Variants in TUBA1B observed in about 807,000 individuals in gnomAD.
TUBA1B encodes tubulin alpha-1B chain.
TUBA1B carries 1 observed loss-of-function variant against 34.4 expected under a neutral mutation model. The ratio of observed to expected loss-of-function variants is 0.03; its 90% CI spans 0.01 to 0.14. The LOEUF (loss-of-function observed/expected upper bound fraction) is 0.14. Ranked by LOEUF, TUBA1B falls within the 10% of genes least tolerant of loss-of-function variation. The pLI is 1.00. For synonymous variants in TUBA1B, 197 were observed against 212.5 expected (o/e 0.93, Z 0.64); for missense variants, 54 against 583.6 (o/e 0.09, Z 9.35).
rs924139083 is a variant in TUBA1B at position 49,131,321 on chromosome 12, C to A, written c.-21G>T. On this transcript the variant is annotated 5_prime_UTR_variant, in exon 1 of 4. Transcript: ENST00000336023. ...ACCATAGTGGCTAGGGATTAGGAGG[C>A]GAAGGCGACAGGAGCAGACACCGGG... 2 of 1,610,418 alleles carry A rather than the reference C, an allele frequency of 1.2e-6. No homozygotes were observed. Among genetic ancestry groups the A allele is most frequent in the Non-Finnish European group, 1.7e-6 (2 of 1,178,456 alleles).
chr12:49,130,511 G>T, intron 1 of TUBA1B: 1 of 407,554 alleles, frequency 2.5e-6, no homozygotes, highest in Non-Finnish European at 4.5e-6. Context: ...CAGTCTGAGC[G>T]CAGTAGGAGA....
chr12:49,129,711 G>A lies in TUBA1B; in HGVS notation c.15C>T (p.Ile5=), dbSNP rs763010227. Residue 5 remains isoleucine, a synonymous_variant, in exon 2 of 4, where the codon ATC becomes ATT. Transcript: ENST00000336023. MREC[I]SIHVGQAGVQ... is the part of the protein sequence containing the mutation. ...CACCAGCCTGGCCAACGTGGATGGA[G>A]ATGCACTCACGCTGCGGGAAGGAAA... 1 of 1,613,050 alleles carries A rather than the reference G, an allele frequency of 6.2e-7. No individual in the cohort carries two copies. Among genetic ancestry groups the A allele is most frequent in the Non-Finnish European group, 8.5e-7 (1 of 1,179,746 alleles).
chr12:49,131,215 G>A lies in TUBA1B; in HGVS notation c.3+83C>T, dbSNP rs901670070. 4.6e-6 allele frequency: 7 copies of A among 1,527,962 alleles called. No individual in the cohort carries two copies. The African/African-American group carries it at 8.2e-5, about 18-fold the overall frequency. The allele number at this position is 1,527,962 out of a possible 1,614,324, so 94.7% of individuals were successfully genotyped here. A position where few individuals can be genotyped will look rare whatever the true frequency, so the allele number is the denominator to read the frequency against. On this transcript the variant is annotated intron_variant, in intron 1 of 3. Coordinates refer to ENST00000336023, the MANE Select transcript of TUBA1B (RefSeq NM_006082.3). ...ACGGCTCTGAGGCCAGCCCTTCCCG[G>A]CTGTATACAGGGCCCCAGCGCCCCG...
rs1443994647 is a variant in TUBA1B, at chr12:49,128,968, T to G, written c.376-30A>C. The G allele has an allele frequency of 1.3e-6, 2 of 1,569,974 alleles. No individual in the cohort carries two copies. Among genetic ancestry groups the G allele is most frequent in the Middle Eastern group, 1.7e-4 (1 of 5,808 alleles). On this transcript the variant is annotated intron_variant, in intron 3 of 3. Coordinates refer to ENST00000336023, the MANE Select transcript of TUBA1B (RefSeq NM_006082.3). This position sits in a 1 kb window ranked among gnomAD's most constrained non-coding sequence, Gnocchi z 8.1. The stretch of plus-strand genomic sequence containing the variant: ...AGGGGAATAAAAAAATGTAATATTT[T>G]AATGCCAGGACACATTATCTTAGAA...
chr12:49,127,867 A>T lies in TUBA1B; in HGVS notation c.*91T>A. 6.3e-7 allele frequency: 1 copy of T among 1,584,888 alleles called. No homozygotes were observed. The highest frequency in any genetic ancestry group is 8.6e-7 in the Non-Finnish European group (1 of 1,160,680). ...AAAGACATGATCACCAAGTGAAAAC[A>T]ATCTAACCAGAAAGCTTTAACGTCT... is the stretch of plus-strand genomic sequence containing the variant. On this transcript the variant is annotated 3_prime_UTR_variant, in exon 4 of 4. Coordinates refer to ENST00000336023, the MANE Select transcript of TUBA1B (RefSeq NM_006082.3).
rs141499311 is a variant in TUBA1B, at chr12:49,128,066, G to T, written c.1248C>A (p.Gly416=). 7.4e-6 allele frequency: 12 copies of T among 1,614,068 alleles called. No individual in the cohort carries two copies. Among genetic ancestry groups the T allele is most frequent in the Non-Finnish European group, 1.0e-5 (12 of 1,180,022 alleles). Residue 416 remains glycine (G), a synonymous_variant, in exon 4 of 4, where the codon GGC becomes GGA. Transcript: ENST00000336023. This position sits in a 1 kb window ranked among gnomAD's most constrained non-coding sequence, Gnocchi z 8.1. ...TATCTTCACGGGCCTCTGAAAACTC[G>T]CCTTCCTCCATCCCCTCACCCACGT... ...HWYVGEGMEE[G]EFSEAREDMA... is the part of the protein sequence containing the mutation.
At chr12:49,130,639 G>C (rs1333552889) in intron 1 of TUBA1B, 2 of 340,542 alleles carry the variant, frequency 5.9e-6, no homozygotes, top group Non-Finnish European at 1.2e-5. Context: ...GGCCTCTACA[G>C]ACTGTTGTGT....
chr12:49,131,182 C>T, intron 1 of TUBA1B, 116 bp downstream of exon 1: 1 of 1,375,110 alleles, frequency 7.3e-7, no homozygotes, highest in Admixed American at 2.1e-5. Flanking sequence ...TTTCCGCCCT[C>T]CAAACGGACG....
Position 49,127,894 on chromosome 12 carries a change from T to C in TUBA1B, c.*64A>G. On this transcript the variant is annotated 3_prime_UTR_variant, in exon 4 of 4. Transcript: ENST00000336023. ...TCTAACCAGAAAGCTTTAACGTCTGTCAGTTAAGCTGAAGCTGAAATTCTG... is the reference window on the plus strand; with the variant it reads ...TCTAACCAGAAAGCTTTAACGTCTGCCAGTTAAGCTGAAGCTGAAATTCTG... 2 of 1,611,062 alleles carry C rather than the reference T, an allele frequency of 1.2e-6. No individual in the cohort carries two copies. Among genetic ancestry groups the C allele is most frequent in the East Asian group, 4.5e-5 (2 of 44,874 alleles).
At position 49,131,365 on chromosome 12, in the gene TUBA1B, A is replaced by C. The variant is rs1434704063; in HGVS notation, c.-65T>G. The C allele has an allele frequency of 1.3e-6, 2 of 1,592,186 alleles. No homozygotes were observed. Among genetic ancestry groups the C allele is most frequent in the African/African-American group, 1.3e-5 (1 of 74,684 alleles). On this transcript the variant is annotated 5_prime_UTR_variant, in exon 1 of 4. Coordinates refer to ENST00000336023, the MANE Select transcript of TUBA1B (RefSeq NM_006082.3). Reference sequence around the variant, plus strand: ...CACCGGGTCCCGGTTACCGTCCCCGACAAGCTAAGAGTCGAGGTAAGTAAC... The same window carrying C: ...CACCGGGTCCCGGTTACCGTCCCCGCCAAGCTAAGAGTCGAGGTAAGTAAC...
Position 49,129,359 on chromosome 12 carries a change from G to A in TUBA1B, c.258C>T (p.Leu86=). The A allele has an allele frequency of 6.2e-7, 1 of 1,614,212 alleles. No individual in the cohort carries two copies. The highest frequency in any genetic ancestry group is 1.3e-5 in the African/African-American group (1 of 75,062). The change falls in exon 3 of 4, where the codon CTC becomes CTT. Residue 86 remains leucine, a synonymous_variant. Coordinates refer to ENST00000336023, the MANE Select transcript of TUBA1B (RefSeq NM_006082.3). ...DEVRTGTYRQ[L]FHPEQLITGK... ...CTGTGATGAGCTGCTCAGGGTGGAA[G>A]AGCTGGCGGTAGGTGCCAGTGCGAA... is the stretch of plus-strand genomic sequence containing the variant.
At chr12:49,130,119 C>G in intron 1 of TUBA1B, 4 of 1,199,350 alleles carry the variant, frequency 3.3e-6, no homozygotes, top group South Asian at 3.0e-5. Flanking sequence ...TGAATGTTAC[C>G]TTCCCATCCT....
Position 49,127,869 on chromosome 12 carries a change from T to A in TUBA1B, c.*89A>T. Reference sequence around the variant, plus strand: ...AGACATGATCACCAAGTGAAAACAATCTAACCAGAAAGCTTTAACGTCTGT... The same window carrying A: ...AGACATGATCACCAAGTGAAAACAAACTAACCAGAAAGCTTTAACGTCTGT... On this transcript the variant is annotated 3_prime_UTR_variant, in exon 4 of 4. Transcript: ENST00000336023. 2 of 1,587,526 alleles carry A rather than the reference T, an allele frequency of 1.3e-6. No individual in the cohort carries two copies. The highest frequency in any genetic ancestry group is 3.4e-5 in the Admixed American group (2 of 58,262).
At chr12:49,129,916 G>C in intron 1 of TUBA1B, 194 bp from the exon 2 acceptor site, 1 of 1,129,286 alleles carries the variant, frequency 8.9e-7, no homozygotes. Context: ...GAGCAGCTGG[G>C]ACCACAGGCA....
intron 1 of TUBA1B, chr12:49,131,040 G>A (rs2121169309): frequency 2.1e-6 from 1 of 472,370 alleles, no homozygotes; most frequent in Non-Finnish European, 3.9e-6. Context: ...TCCGGATACG[G>A]CGGAGGGCAG....
In TUBA1B at chr12:49,131,381, G is replaced by T. The variant is rs1482199389; in HGVS notation, c.-81C>A. The T allele has an allele frequency of 1.9e-6, 3 of 1,550,102 alleles. No individual in the cohort carries two copies. The highest frequency in any genetic ancestry group is 1.8e-6 in the Non-Finnish European group (2 of 1,133,162). On this transcript the variant is annotated 5_prime_UTR_variant, in exon 1 of 4. Coordinates refer to ENST00000336023, the MANE Select transcript of TUBA1B (RefSeq NM_006082.3). ...CCGTCCCCGACAAGCTAAGAGTCGAGGTAAGTAACGCACTAGGGCGGGGCC... is the reference window on the plus strand; with the variant it reads ...CCGTCCCCGACAAGCTAAGAGTCGATGTAAGTAACGCACTAGGGCGGGGCC...
intron 1 of TUBA1B, chr12:49,131,003 G>A (rs1941800062): frequency 2.6e-6 from 1 of 390,350 alleles, no homozygotes; most frequent in Non-Finnish European, 4.9e-6. Context: ...ACCGCACCCA[G>A]GACACAGTTA....
chr12:49,130,828 G>C (rs12317382), intron 1 of TUBA1B: 4,915 of 166,666 alleles, frequency 0.029, 252 homozygotes, highest in African/African-American at 0.11. Flanking sequence ...TCCCGCCCAG[G>C]AGCGGCGGGA....
chr12:49,129,918 C>T (rs1941782055), intron 1 of TUBA1B, 196 bp from the exon 2 acceptor site: 1 of 1,116,696 alleles, frequency 9.0e-7, no homozygotes, highest in Non-Finnish European at 1.2e-6. Context: ...GCAGCTGGGA[C>T]CACAGGCACA....
Sources: gnomAD v4.1 joint callset for allele counts on GRCh38, gnomAD v4.1.1 for gene constraint, Gnocchi (gnomAD v3.1) non-coding constraint, MANE v1.5 for transcripts, NCBI Gene and HGNC (gene_info 2026-07-23, HGNC 2026-07-21) for gene names.